Variants in ABCE1 observed in about 807,000 individuals in gnomAD.
The protein encoded by ABCE1 is ATP-binding cassette sub-family E member 1.
In ABCE1, 22 loss-of-function variants were observed where a neutral mutation model predicts 83.4. The ratio of observed to expected loss-of-function variants is 0.26; its 90% confidence interval spans 0.19 to 0.38. The LOEUF is 0.38. Ranked by LOEUF, ABCE1 falls within the 10% of genes least tolerant of loss-of-function variation. The pLI is 1.00. For synonymous variants in ABCE1, 204 were observed against 233.7 expected (o/e 0.87, Z 1.16); for missense variants, 330 against 721.9 (o/e 0.46, Z 6.22).
At chr4:145,105,869 T>G (rs888910057) in intron 3 of ABCE1, among the ~76,000 whole-genome samples, 179 bp downstream of exon 3, 4 of 151,988 alleles carry the variant, frequency 2.6e-5, no homozygotes, top group Non-Finnish European at 5.9e-5. Context: ...TTAAATAAAT[T>G]AAACCACCCT....
At chr4:145,113,725 T>C (rs73851362) in intron 9 of ABCE1, among the ~76,000 whole-genome samples, 185 of 152,194 alleles carry the variant, frequency 1.2e-3, no homozygotes, top group African/African-American at 4.3e-3. Context: ...AAGGATATAA[T>C]GCTACTAAAA....
chr4:145,106,924 T>C (rs528093883), intron 3 of ABCE1, among the ~76,000 whole-genome samples: 6 of 152,260 alleles, frequency 3.9e-5, no homozygotes, highest in Non-Finnish European at 4.4e-5. Flanking sequence ...GGAAATTCCC[T>C]GGAATCTCTA....
chr4:145,108,511 A>G (rs1749372690), intron 4 of ABCE1, among the ~76,000 whole-genome samples: 1 of 152,214 alleles, frequency 6.6e-6, no homozygotes, highest in Non-Finnish European at 1.5e-5. Flanking sequence ...CTTATGATCT[A>G]CAGAGAATAT....
intron 1 of ABCE1, among the ~76,000 whole-genome samples, chr4:145,101,235 T>G (rs1456891434): frequency 6.6e-6 from 1 of 151,836 alleles, no homozygotes; most frequent in African/African-American, 2.4e-5. Flanking sequence ...TTGAAAGGAG[T>G]AAGCCATGTA....
In ABCE1 at chr4:145,115,398, C is replaced by T. The variant is rs928039161; in HGVS notation, c.801-1895C>T. 5.3e-5 allele frequency among the ~76,000 whole-genome samples: 8 copies of T among 151,870 alleles called. 1 individual carries two copies. The highest frequency in any genetic ancestry group is 1.9e-4 in the African/African-American group (8 of 41,394). On this transcript the variant is annotated intron_variant, in intron 9 of 17. Transcript: ENST00000296577. ...AATGGATTAGTGCCAACAAAGACAC[C>T]GATGCAAGATGAGTATCACCAGCTC...
At chr4:145,104,559 A>C in intron 2 of ABCE1, 44 bp downstream of exon 2, 1 of 1,295,392 alleles carries the variant, frequency 7.7e-7, no homozygotes, top group Non-Finnish European at 1.1e-6. Flanking sequence ...GAAAACCATG[A>C]AAGAAATCAA....
At chr4:145,122,344 A>T (rs1291392472) in intron 13 of ABCE1, 1 of 152,224 alleles carries the variant, frequency 6.6e-6, no homozygotes, top group Admixed American at 6.5e-5. Flanking sequence ...CTTAGGATTC[A>T]TCCCTAGCAC....
At position 145,123,215 on chromosome 4, in the gene ABCE1, G is replaced by C. The variant is rs553725911; in HGVS notation, c.1375G>C (p.Val459Leu). Residue 459 changes from valine (V) to leucine (L), a missense_variant and splice_region_variant, in exon 15 of 18, where the codon GTG (valine) becomes CTG (leucine). By Grantham distance (32) the Val-to-Leu change is conservative. Coordinates refer to ENST00000296577, the MANE Select transcript of ABCE1 (RefSeq NM_002940.3). ...LQIENIIDQEVQTLSGGELQR... is the reference protein window; with the variant it reads ...LQIENIIDQELQTLSGGELQR... ...TGGTTTGCTAAACTCCTCCAATTAG[G>C]TGCAGACATTATCTGGTGGTGAACT... 6.2e-7 allele frequency: 1 copy of C among 1,601,398 alleles called. No individual in the cohort carries two copies. Among genetic ancestry groups the C allele is most frequent in the South Asian group, 1.1e-5 (1 of 88,770 alleles).
chr4:145,114,382 A>G (rs1192224051), intron 9 of ABCE1, among the ~76,000 whole-genome samples: 1 of 152,162 alleles, frequency 6.6e-6, no homozygotes, highest in Non-Finnish European at 1.5e-5. Context: ...AAGTATTTTT[A>G]TAGTCCCTTT....
intron 1 of ABCE1, among the ~76,000 whole-genome samples, chr4:145,102,654 AT>A (rs1302036582): frequency 6.6e-6 from 1 of 152,074 alleles, no homozygotes; most frequent in Non-Finnish European, 1.5e-5. Flanking sequence ...GATTTAGGGT[AT>A]TTTAGCTGGG....
intron 3 of ABCE1, among the ~76,000 whole-genome samples, chr4:145,107,694 A>C (rs2126702143): frequency 6.6e-6 from 1 of 152,320 alleles, no homozygotes; most frequent in Admixed American, 6.5e-5. Flanking sequence ...AGGATGCAAA[A>C]CCATTTTAGA....
At chr4:145,112,359 G>C (rs1193986030) in intron 9 of ABCE1, 31 bp downstream of exon 9, 1 of 1,405,702 alleles carries the variant, frequency 7.1e-7, no homozygotes, top group East Asian at 2.3e-5. Flanking sequence ...TTACTGTGTT[G>C]TTTTGTTTGG....
At chr4:145,109,689 A>G (rs1749407950) in intron 5 of ABCE1, among the ~76,000 whole-genome samples, 1 of 152,214 alleles carries the variant, frequency 6.6e-6, no homozygotes, top group African/African-American at 2.4e-5. Context: ...ATGGAGCTTC[A>G]CCAGAGTGTG....
intron 17 of ABCE1, among the ~76,000 whole-genome samples, chr4:145,125,378 G>C (rs1261888023): frequency 6.6e-6 from 1 of 152,092 alleles, no homozygotes; most frequent in Admixed American, 6.5e-5. Flanking sequence ...TGAGGCAGGA[G>C]AATCACTTGA....
At chr4:145,103,087 A>G (rs572531454) in intron 1 of ABCE1, among the ~76,000 whole-genome samples, 57 of 152,280 alleles carry the variant, frequency 3.7e-4, no homozygotes, top group Middle Eastern at 3.4e-3. Flanking sequence ...TACTAACTAA[A>G]GCAGTTAGAT....
At chr4:145,115,630 T>A (rs1749589219) in intron 9 of ABCE1, among the ~76,000 whole-genome samples, 1 of 151,926 alleles carries the variant, frequency 6.6e-6, no homozygotes, top group African/African-American at 2.4e-5. Flanking sequence ...ACAAACATCC[T>A]TATTTAAATT....
chr4:145,114,774 G>A (rs1406819823), intron 9 of ABCE1, among the ~76,000 whole-genome samples: 25 of 151,916 alleles, frequency 1.6e-4, no homozygotes, highest in Admixed American at 1.6e-3. Context: ...AGACAGATTG[G>A]CATGACAACG....
At chr4:145,105,503 TGC>T in intron 2 of ABCE1, 100 bp from the exon 3 acceptor site, 1 of 745,294 alleles carries the variant, frequency 1.3e-6, no homozygotes, top group African/African-American at 1.8e-5. Context: ...TTTGAAAATC[TGC>T]TTCTGTATGG....
chr4:145,120,936 C>A, intron 11 of ABCE1: 1 of 468,156 alleles, frequency 2.1e-6, no homozygotes, highest in Non-Finnish European at 3.8e-6. Context: ...ATAGACATAC[C>A]ATTTATTAAA....
Sources: allele counts gnomAD v4.1 joint callset (sites outside exome capture counted in the v4.1 genomes callset), GRCh38; gene constraint gnomAD v4.1.1; transcripts MANE v1.5; gene names NCBI Gene and HGNC (gene_info 2026-07-23, HGNC 2026-07-21).